Variants in SCNN1A observed in about 807,000 individuals in gnomAD.
SCNN1A encodes the protein sodium channel epithelial 1 subunit alpha, also known as epithelial sodium channel subunit alpha.
Under a neutral mutation model 68.6 loss-of-function variants are expected in SCNN1A, and 65 were observed. The ratio of observed to expected loss-of-function variants is 0.95; its 90% CI spans 0.78 to 1.16. SCNN1A has a LOEUF of 1.16. Among genes scored for constraint, SCNN1A ranks in the 50% most tolerant of loss-of-function variants. SCNN1A has a pLI of 0.00. For missense variants in SCNN1A, 880 were observed against 865.9 expected (o/e 1.02, Z -0.20); for synonymous variants, 357 against 353.3 (o/e 1.01, Z -0.12).
intron 4 of SCNN1A, among the ~76,000 whole-genome samples, chr12:6,360,905 A>C (rs1338917067): frequency 1.3e-5 from 2 of 152,230 alleles, no homozygotes; most frequent in African/African-American, 4.8e-5. Flanking sequence ...GGGTGGGAAG[A>C]ATCCTTAGCC....
At position 6,347,012 on chromosome 12, in the gene SCNN1A, G is replaced by A. The variant is rs1247110467; in HGVS notation, c.*861C>T. ...ATGTACAAGAAAGTATGGTGCAACAGCAACACTCCAGCAGATGTTATAGTG... is the reference window on the plus strand; with the variant it reads ...ATGTACAAGAAAGTATGGTGCAACAACAACACTCCAGCAGATGTTATAGTG... On this transcript the variant is annotated 3_prime_UTR_variant, in exon 13 of 13. Transcript: ENST00000228916. 1 of 152,642 alleles carries A rather than the reference G, an allele frequency of 6.6e-6. No homozygotes were observed. Among genetic ancestry groups the A allele is most frequent in the Non-Finnish European group, 1.5e-5 (1 of 68,056 alleles). The allele number at this position is 152,642 out of a possible 1,614,324, so 9.5% of individuals were successfully genotyped here.
At chr12:6,355,124 G>A (rs1235858530) in intron 6 of SCNN1A, 148 bp downstream of exon 6, 2 of 919,250 alleles carry the variant, frequency 2.2e-6, no homozygotes. Context: ...CCCAGTGCCA[G>A]CCCCTCTGCC....
At chr12:6,375,424 T>G in intron 1 of SCNN1A, 81 bp downstream of exon 1, 1 of 1,530,566 alleles carries the variant, frequency 6.5e-7, no homozygotes, top group Non-Finnish European at 8.7e-7. Flanking sequence ...TGCCTCCAGC[T>G]TCCCACTCCC....
At chr12:6,350,476 A>G (rs1324165550) in intron 8 of SCNN1A, among the ~76,000 whole-genome samples, 4 of 151,830 alleles carry the variant, frequency 2.6e-5, no homozygotes, top group Non-Finnish European at 5.9e-5. Context: ...CAATAATTGT[A>G]TAAGAATAAG....
intron 8 of SCNN1A, among the ~76,000 whole-genome samples, chr12:6,352,506 C>A (rs1456130192): frequency 6.6e-6 from 1 of 152,126 alleles, no homozygotes; most frequent in African/African-American, 2.4e-5. Flanking sequence ...TCTCAGCAAT[C>A]AATATTGTTA....
intron 1 of SCNN1A, chr12:6,375,277 C>T (rs1252555311): frequency 1.4e-5 from 20 of 1,439,642 alleles, no homozygotes; most frequent in Non-Finnish European, 1.8e-5. Context: ...TCTCTCTAAT[C>T]CTGCCTCTCT....
At position 6,375,233 on chromosome 12, in the gene SCNN1A, G is replaced by A. The variant is rs538478699; in HGVS notation, c.-55+272C>T. ...CTATCTGCCTTCTGTTTCTCTTTGG[G>A]TCTCTCCTGCTCTCCTCTTTCTGGC... On this transcript the variant is annotated intron_variant, in intron 1 of 12. Transcript: ENST00000228916. 1.6e-5 allele frequency: 23 copies of A among 1,441,270 alleles called. No homozygotes were observed. The Admixed American group carries it at 3.9e-4, about 25-fold the overall frequency. The allele number at this position is 1,441,270 out of a possible 1,614,324, so 89.3% of individuals were successfully genotyped here. A position where few individuals can be genotyped will look rare whatever the true frequency, so the allele number is the denominator to read the frequency against.
chr12:6,360,051 A>G (rs1037251359), intron 4 of SCNN1A, among the ~76,000 whole-genome samples: 10 of 152,168 alleles, frequency 6.6e-5, no homozygotes, highest in Admixed American at 6.5e-5. Flanking sequence ...GATTACAGGC[A>G]TGAGCCACCG....
chr12:6,363,586 G>T lies in SCNN1A; in HGVS notation c.541C>A (p.Arg181=), dbSNP rs55797039. ...VAGSRSRRDL[R]GTLPHPLQRL... ...TGCAAGGGGTGCGGCAGAGTCCCCC[G>T]CAGGTCGCGACGGCTGCGGGAGCCG... The change falls in exon 3 of 13, where the codon CGG becomes AGG. Residue 181 remains arginine (R), a synonymous_variant. Coordinates refer to ENST00000228916, the MANE Select transcript of SCNN1A (RefSeq NM_001038.6). 3.5e-5 allele frequency: 57 copies of T among 1,611,842 alleles called. No homozygotes were observed. The African/African-American group carries it at 7.1e-4, about 20-fold the overall frequency.
Position 6,356,011 on chromosome 12 carries a change from T to G in SCNN1A, c.876-131A>C. Reference sequence around the variant, plus strand: ...CTTGTGCCTTTCAGAGCCATTTGTTTCCTGATCACCTACTATGTGCTGGCA... The same window carrying G: ...CTTGTGCCTTTCAGAGCCATTTGTTGCCTGATCACCTACTATGTGCTGGCA... On this transcript the variant is annotated intron_variant, in intron 4 of 12. Coordinates refer to ENST00000228916, the MANE Select transcript of SCNN1A (RefSeq NM_001038.6). 5.2e-6 allele frequency: 4 copies of G among 762,746 alleles called. No homozygotes were observed. In the South Asian group the frequency reaches 5.5e-5, roughly 10 times the overall value. 47.2% of individuals were successfully genotyped at this position (762,746 alleles called of 1,614,324 possible).
At chr12:6,376,888 G>A (rs866993018), upstream of SCNN1A, among the ~76,000 whole-genome samples, 8 of 152,334 alleles carry the variant, frequency 5.3e-5, no homozygotes, top group Admixed American at 1.3e-4. Flanking sequence ...CACACCGGGG[G>A]AGGAGATAGG....
upstream of SCNN1A, chr12:6,375,858 G>C: frequency 3.8e-6 from 5 of 1,323,964 alleles, no homozygotes; most frequent in South Asian, 4.2e-5. Flanking sequence ...AGAGGGCCTG[G>C]GTGGGGAACC....
intron 2 of SCNN1A, among the ~76,000 whole-genome samples, chr12:6,373,139 T>C (rs1455550414): frequency 2.0e-5 from 3 of 151,944 alleles, no homozygotes; most frequent in Admixed American, 6.6e-5. Context: ...GCTTTTTTTT[T>C]TCTCTCTCTC....
chr12:6,349,302 T>C, intron 9 of SCNN1A, 25 bp downstream of exon 9: 1 of 1,613,598 alleles, frequency 6.2e-7, no homozygotes, highest in African/African-American at 1.3e-5. Context: ...CTACCCAACC[T>C]GTACCCGGGG....
chr12:6,374,291 G>A lies in SCNN1A; in HGVS notation c.416+77C>T. 6.7e-7 allele frequency: 1 copy of A among 1,487,200 alleles called. No homozygotes were observed. Among genetic ancestry groups the A allele is most frequent in the Non-Finnish European group, 9.2e-7 (1 of 1,086,112 alleles). 92.1% of individuals were successfully genotyped at this position (1,487,200 alleles called of 1,614,324 possible). A position where few individuals can be genotyped will look rare whatever the true frequency, so the allele number is the denominator to read the frequency against. ...CACCCTCAGGTCTGAGGCTCTGCCT[G>A]CCCAGTGAGCACCTCAGCACCCTGG... On this transcript the variant is annotated intron_variant, in intron 2 of 12. Transcript: ENST00000228916. This position sits in a 1 kb window ranked among gnomAD's most constrained non-coding sequence, Gnocchi z 6.2.
Position 6,355,217 on chromosome 12 carries a change from C to A in SCNN1A, c.1143+55G>T. On this transcript the variant is annotated intron_variant, in intron 6 of 12. Coordinates refer to ENST00000228916, the MANE Select transcript of SCNN1A (RefSeq NM_001038.6). ...CTCTCCAGCCTCCCATGCCTCCCCG[C>A]TGCCCCTCTGCAATCTGAGGCGCTC... 4 of 1,576,688 alleles carry A rather than the reference C, an allele frequency of 2.5e-6. No individual in the cohort carries two copies. In the South Asian group the frequency reaches 4.6e-5, roughly 18 times the overall value.
chr12:6,354,801 A>C lies in SCNN1A; in HGVS notation c.1191T>G (p.Asn397Lys). 6.2e-7 allele frequency: 1 copy of C among 1,613,410 alleles called. No homozygotes were observed. Among genetic ancestry groups the C allele is most frequent in the Non-Finnish European group, 8.5e-7 (1 of 1,179,806 alleles). ...GGTTCTCAACAGGAACATCACTGCC[A>C]TTCTTGGTGCAGTCGCCATAATCGC... Reference protein sequence around the residue: ...LGGDYGDCTKNGSDVPVENLY... With the variant: ...LGGDYGDCTKKGSDVPVENLY... The change falls in exon 7 of 13, where the codon AAT becomes AAG. Residue 397 changes from asparagine to lysine, a missense_variant. Around this residue, in one of 3 missense-constraint regions of SCNN1A, gnomAD observed 758 missense variants for 721.8 expected, o/e 1.05. Transcript: ENST00000228916.
intron 2 of SCNN1A, among the ~76,000 whole-genome samples, chr12:6,369,859 C>T (rs1285549518): frequency 6.7e-6 from 1 of 149,204 alleles, no homozygotes; most frequent in Non-Finnish European, 1.5e-5. Flanking sequence ...AAAAAAATCT[C>T]TCCCTCCATG....
intron 2 of SCNN1A, among the ~76,000 whole-genome samples, chr12:6,364,775 A>C (rs558665583): frequency 6.6e-6 from 1 of 152,070 alleles, no homozygotes; most frequent in African/African-American, 2.4e-5. Context: ...AAAAAAAAAA[A>C]ATTAATTGCA....
Sources: gnomAD v4.1 joint callset for allele counts (sites outside exome capture counted in the v4.1 genomes callset) on GRCh38, gnomAD v4.1.1 for gene constraint, gnomAD v4.1.1 regional missense constraint, Gnocchi (gnomAD v3.1) non-coding constraint, MANE v1.5 for transcripts, NCBI Gene and HGNC (gene_info 2026-07-23, HGNC 2026-07-21) for gene names.